SIPA1L1: variants seen among roughly 807,000 people sequenced by gnomAD.
SIPA1L1 encodes the protein signal induced proliferation associated 1 like 1, also known as signal-induced proliferation-associated 1-like protein 1.
SIPA1L1 carries 26 observed loss-of-function variants against 162.7 expected under a neutral mutation model. The observed-to-expected ratio is 0.16, with a 90% CI of 0.12 to 0.22. The LOEUF is 0.22. SIPA1L1 is among the 10% of genes least tolerant of loss of function. The probability of loss-of-function intolerance (pLI) is 1.00; values close to 1 mark genes in which losing one functional copy is unlikely to be tolerated. For synonymous variants in SIPA1L1, 829 were observed against 837.4 expected (o/e 0.99, Z 0.17); for missense variants, 1,874 against 2,241.0 (o/e 0.84, Z 3.31).
At chr14:71,405,266 G>A (rs1022986453) in intron 2 of SIPA1L1, among the ~76,000 whole-genome samples, 2 of 152,254 alleles carry the variant, frequency 1.3e-5, no homozygotes, top group African/African-American at 4.8e-5. Context: ...AAAAGGACCA[G>A]TGCAGGCTGA....
At chr14:71,714,507 A>G (rs148670598) in intron 17 of SIPA1L1, among the ~76,000 whole-genome samples, 202 of 152,338 alleles carry the variant, frequency 1.3e-3, no homozygotes, top group Non-Finnish European at 2.4e-3. Flanking sequence ...GCATTCTACC[A>G]GGATGAGAAT....
intron 2 of SIPA1L1, among the ~76,000 whole-genome samples, chr14:71,475,569 A>G (rs1468144732): frequency 6.6e-6 from 1 of 152,214 alleles, no homozygotes; most frequent in Non-Finnish European, 1.5e-5. Context: ...TTCTTCACCT[A>G]TCTTGATGTT....
At chr14:71,513,010 C>T (rs1188471588) in intron 3 of SIPA1L1, among the ~76,000 whole-genome samples, 165 bp downstream of exon 3, 3 of 152,142 alleles carry the variant, frequency 2.0e-5, no homozygotes, top group Non-Finnish European at 4.4e-5. Flanking sequence ...CTTTCCAGAT[C>T]GAACCAATGT....
In SIPA1L1 at chr14:71,569,032, A is replaced by G. The variant is rs1004874560; in HGVS notation, c.-302-18539A>G. On this transcript the variant is annotated intron_variant, in intron 4 of 23. Transcript: ENST00000381232. ...ATATGTCAAATATTTTATAATCAAT[A>G]GTTTTCAGTTTTATCGTGTAGCAGT... Among the ~76,000 whole-genome samples the G allele has an allele frequency of 5.3e-5, 8 of 152,310 alleles. No homozygotes were observed. In the East Asian group the frequency reaches 5.8e-4, roughly 11 times the overall value.
intron 2 of SIPA1L1, among the ~76,000 whole-genome samples, chr14:71,428,843 T>C (rs764060902): frequency 1.3e-5 from 2 of 152,240 alleles, no homozygotes; most frequent in African/African-American, 2.4e-5. Context: ...TGTGCCCAGC[T>C]ACCTGCCCCA....
intron 2 of SIPA1L1, among the ~76,000 whole-genome samples, chr14:71,479,495 A>C (rs2142558632): frequency 6.6e-6 from 1 of 152,286 alleles, no homozygotes; most frequent in East Asian, 1.9e-4. Flanking sequence ...TTCTGGGTTC[A>C]AGTGATCCTC....
At chr14:71,419,373 G>C (rs1041629761) in intron 2 of SIPA1L1, among the ~76,000 whole-genome samples, 1 of 149,942 alleles carries the variant, frequency 6.7e-6, no homozygotes, top group Non-Finnish European at 1.5e-5. Context: ...ATCTGTCTTT[G>C]TGTAGGGACT....
rs995029709 is a variant in SIPA1L1 at position 71,354,201 on chromosome 14, C to T, written c.-465+33020C>T. 7.9e-5 allele frequency among the ~76,000 whole-genome samples: 12 copies of T among 151,502 alleles called. 1 individual carries two copies. In the South Asian group the frequency reaches 1.9e-3, roughly 24 times the overall value. On this transcript the variant is annotated intron_variant, in intron 2 of 23. Transcript: ENST00000381232. Reference sequence around the variant, plus strand: ...TATCCTTAATCTTGCAATAAGATTGCGATTAGAGTCTAAACATGATAAACG... The same window carrying T: ...TATCCTTAATCTTGCAATAAGATTGTGATTAGAGTCTAAACATGATAAACG...
In SIPA1L1 at chr14:71,577,069, CAA is replaced by C. The variant is rs747771194; in HGVS notation, c.-302-10487_-302-10486del. Among the ~76,000 whole-genome samples the C allele has an allele frequency of 2.1e-3, 231 of 111,508 alleles. 1 individual carries two copies. Among genetic ancestry groups the C allele is most frequent in the Non-Finnish European group, 3.3e-3 (177 of 54,334 alleles). The allele number at this position is 111,508 out of a possible 152,430, so 73.2% of individuals were successfully genotyped here. A position where few individuals can be genotyped will look rare whatever the true frequency, so the allele number is the denominator to read the frequency against. On this transcript the variant is annotated intron_variant, in intron 4 of 23. Coordinates refer to ENST00000381232, the MANE Select transcript of SIPA1L1 (RefSeq NM_001386936.1). Reference sequence around the variant, plus strand: ...TTGCACTCCAGCCTGGGTGACAGAGCAAAAAAAAAAAAAAAAGAAGAAAAAGA... The same window carrying C: ...TTGCACTCCAGCCTGGGTGACAGAGCAAAAAAAAAAAAAAGAAGAAAAAGA...
chr14:71,441,543 G>A (rs1047893218), intron 2 of SIPA1L1, among the ~76,000 whole-genome samples: 3 of 152,186 alleles, frequency 2.0e-5, no homozygotes, highest in Non-Finnish European at 2.9e-5. Context: ...TGGCATGGAG[G>A]GACATAGTCT....
chr14:71,653,380 C>T (rs910702637), intron 8 of SIPA1L1, among the ~76,000 whole-genome samples: 4 of 152,180 alleles, frequency 2.6e-5, no homozygotes, highest in African/African-American at 9.7e-5. Flanking sequence ...TATGCATATG[C>T]AGCTTACTGT....
At chr14:71,691,025 C>A (rs1340792451) in intron 13 of SIPA1L1, among the ~76,000 whole-genome samples, 2 of 152,204 alleles carry the variant, frequency 1.3e-5, no homozygotes, top group East Asian at 1.9e-4. Context: ...ACCTGAGTAT[C>A]CAGAGCAGAA....
chr14:71,739,033 G>A lies in SIPA1L1; in HGVS notation c.5224G>A (p.Ala1742Thr). 6.2e-7 allele frequency: 1 copy of A among 1,613,522 alleles called. No homozygotes were observed. Among genetic ancestry groups the A allele is most frequent in the Non-Finnish European group, 8.5e-7 (1 of 1,179,654 alleles). The change falls in exon 24 of 24, where the codon GCT becomes ACT. Residue 1742 changes from alanine to threonine, a missense_variant. Physicochemically the swap from Ala to Thr is moderately conservative, Grantham distance 58. Coordinates refer to ENST00000381232, the MANE Select transcript of SIPA1L1 (RefSeq NM_001386936.1). ...TGCCTCCCAGGAAAAAGAAGACAAA[G>A]CTCACCTTCAGGCGGAGGTGCAGCA... Reference protein sequence around the residue: ...EDLKKEKEDKAHLQAEVQHLR... With the variant: ...EDLKKEKEDKTHLQAEVQHLR...
intron 4 of SIPA1L1, among the ~76,000 whole-genome samples, chr14:71,581,805 A>G (rs771305798): frequency 6.6e-5 from 10 of 152,102 alleles, no homozygotes; most frequent in Non-Finnish European, 4.4e-5. Flanking sequence ...TTAAAGTGTT[A>G]TTATAACTTA....
intron 2 of SIPA1L1, among the ~76,000 whole-genome samples, chr14:71,366,193 A>T (rs1224937825): frequency 6.6e-6 from 1 of 152,074 alleles, no homozygotes; most frequent in East Asian, 1.9e-4. Context: ...ACAGATAATT[A>T]CTGTTGTGGA....
chr14:71,605,474 A>G (rs1465344239), intron 5 of SIPA1L1, among the ~76,000 whole-genome samples: 5 of 152,146 alleles, frequency 3.3e-5, no homozygotes, highest in Admixed American at 1.3e-4. Context: ...TTACATTACT[A>G]TGTACACATC....
intron 17 of SIPA1L1, among the ~76,000 whole-genome samples, chr14:71,712,118 T>C (rs140528939): frequency 5.3e-5 from 8 of 152,326 alleles, no homozygotes; most frequent in African/African-American, 1.4e-4. Context: ...CAGCAATTAA[T>C]GTAGAGATAT....
intron 2 of SIPA1L1, among the ~76,000 whole-genome samples, chr14:71,488,502 T>G (rs1464592026): frequency 6.6e-6 from 1 of 152,170 alleles, no homozygotes; most frequent in Non-Finnish European, 1.5e-5. Context: ...AAAAATAATT[T>G]TTAAAAAGCT....
chr14:71,410,031 C>G (rs1393229382), intron 2 of SIPA1L1, among the ~76,000 whole-genome samples: 1 of 152,166 alleles, frequency 6.6e-6, no homozygotes, highest in Non-Finnish European at 1.5e-5. Flanking sequence ...TTATAATCAT[C>G]ACATTAATAC....
Sources: gnomAD v4.1 joint callset for allele counts (sites outside exome capture counted in the v4.1 genomes callset) on GRCh38, gnomAD v4.1.1 for gene constraint, MANE v1.5 for transcripts, NCBI Gene and HGNC (gene_info 2026-07-23, HGNC 2026-07-21) for gene names.